PACS2: variants seen among roughly 807,000 people sequenced by gnomAD.
PACS2 encodes the protein PACS1-like protein.
PACS2 carries 36 observed loss-of-function variants against 113.0 expected under a neutral mutation model. The observed-to-expected ratio is 0.32, with a 90% CI of 0.24 to 0.42. PACS2 has a LOEUF of 0.42. Ranked by LOEUF, PACS2 falls within the 10% of genes least tolerant of loss-of-function variation. The probability of loss-of-function intolerance (pLI) is 1.00; values close to 1 mark genes in which losing one functional copy is unlikely to be tolerated. For missense variants in PACS2, 1,015 were observed against 1,239.5 expected (o/e 0.82, Z 2.72); for synonymous variants, 589 against 536.1 (o/e 1.10, Z -1.36).
In PACS2 at chr14:105,350,990, C is replaced by T. The variant is rs192368861; in HGVS notation, c.208-1388C>T. ...TCCGCCATGGACGTCTCATGGAGCC[C>T]GAGTACGGCCATGCGGGCCGCCCGC... is the stretch of plus-strand genomic sequence containing the variant. On this transcript the variant is annotated intron_variant, in intron 2 of 24. Coordinates refer to ENST00000447393, the MANE Select transcript of PACS2 (RefSeq NM_001100913.3). 2.0e-4 allele frequency among the ~76,000 whole-genome samples: 30 copies of T among 152,338 alleles called. No homozygotes were observed. The East Asian group carries it at 3.3e-3, about 17-fold the overall frequency.
At position 105,379,828 on chromosome 14, in the gene PACS2, C is replaced by T. The variant is rs782179266; in HGVS notation, c.1049C>T (p.Pro350Leu). 64 of 1,612,952 alleles carry T rather than the reference C, an allele frequency of 4.0e-5. 1 individual carries two copies. Among genetic ancestry groups the T allele is most frequent in the South Asian group, 1.6e-4 (15 of 91,072 alleles). Reference sequence around the variant, plus strand: ...CGCAGCCACAAGGAGCCCCCAAGCCCGGTGAGTGGGGCCACACTGATCTCC... The same window carrying T: ...CGCAGCCACAAGGAGCCCCCAAGCCTGGTGAGTGGGGCCACACTGATCTCC... Reference protein sequence around the residue: ...SARSHKEPPSPADVPEKTRSL... With the variant: ...SARSHKEPPSLADVPEKTRSL... The change falls in exon 10 of 25, where the codon CCG becomes CTG. Residue 350 changes from proline (P) to leucine (L), a missense_variant and splice_region_variant. By Grantham distance (98) the Pro-to-Leu change is moderately conservative (BLOSUM62 -3). Around this residue, in one of 3 missense-constraint regions of PACS2, gnomAD observed 859 missense variants for 1,056.8 expected, o/e 0.81. Transcript: ENST00000447393.
chr14:105,336,018 A>G (rs1039696542), intron 1 of PACS2, among the ~76,000 whole-genome samples: 16 of 152,182 alleles, frequency 1.1e-4, no homozygotes, highest in Admixed American at 9.8e-4. Context: ...AGCCTGTGAC[A>G]TTCCTCTGCC....
Position 105,348,742 on chromosome 14 carries a change from C to T in PACS2, c.207+162C>T. 2 of 643,626 alleles carry T rather than the reference C, an allele frequency of 3.1e-6. No homozygotes were observed. Among genetic ancestry groups the T allele is most frequent in the Non-Finnish European group, 5.6e-6 (2 of 357,586 alleles). The allele number at this position is 643,626 out of a possible 1,614,324, so 39.9% of individuals were successfully genotyped here. ...GGGGGGCTGGGAATGACAGGATGCT[C>T]CTGGGTCCAGTCCTGTCCCGCACAA... On this transcript the variant is annotated intron_variant, in intron 2 of 24. Transcript: ENST00000447393. This position sits in a 1 kb window ranked among gnomAD's most constrained non-coding sequence, Gnocchi z 6.4.
rs1555405727 is a variant in PACS2, at chr14:105,358,434, G to A, written c.423+3257G>A. The stretch of plus-strand genomic sequence containing the variant: ...AGGCAGGTGTGCGGTGGGGGCAGAC[G>A]TGGGGCCTTCTCCTGTGGTGTGGCT... On this transcript the variant is annotated intron_variant, in intron 4 of 24. Transcript: ENST00000447393. This position sits in a 1 kb window ranked among gnomAD's most constrained non-coding sequence, Gnocchi z 4.9. Among the ~76,000 whole-genome samples, 2 of 152,216 alleles carry A rather than the reference G, an allele frequency of 1.3e-5. No individual in the cohort carries two copies. Among genetic ancestry groups the A allele is most frequent in the East Asian group, 1.9e-4 (1 of 5,198 alleles).
In PACS2 at chr14:105,391,260, C is replaced by G; in HGVS notation, c.2119+11C>G. 6.2e-7 allele frequency: 1 copy of G among 1,608,320 alleles called. No individual in the cohort carries two copies. Among genetic ancestry groups the G allele is most frequent in the South Asian group, 1.1e-5 (1 of 90,960 alleles). On this transcript the variant is annotated intron_variant, in intron 21 of 24. Coordinates refer to ENST00000447393, the MANE Select transcript of PACS2 (RefSeq NM_001100913.3). ...CCTCGGCCACATCAGGTAACCCCGT[C>G]CCACCCTGAGGCCTTGTGAGTGGCC...
At position 105,354,926 on chromosome 14, in the gene PACS2, C is replaced by T; in HGVS notation, c.298-126C>T. 1 of 878,084 alleles carries T rather than the reference C, an allele frequency of 1.1e-6. No individual in the cohort carries two copies. The highest frequency in any genetic ancestry group is 3.1e-4 in the Middle Eastern group (1 of 3,258). The allele number at this position is 878,084 out of a possible 1,614,324, so 54.4% of individuals were successfully genotyped here. On this transcript the variant is annotated intron_variant, in intron 3 of 24. Coordinates refer to ENST00000447393, the MANE Select transcript of PACS2 (RefSeq NM_001100913.3). The surrounding 1 kb of genome is among the most constrained non-coding windows in gnomAD (Gnocchi z 4.2). Reference sequence around the variant, plus strand: ...AACTTGGGGGCCCGTCTGTGGGTGCCCTTCCGATCTCATGGGCAGCAGGTT... The same window carrying T: ...AACTTGGGGGCCCGTCTGTGGGTGCTCTTCCGATCTCATGGGCAGCAGGTT...
At position 105,340,950 on chromosome 14, in the gene PACS2, C is replaced by T. The variant is rs587703911; in HGVS notation, c.120-7543C>T. Among the ~76,000 whole-genome samples, 144 of 152,348 alleles carry T rather than the reference C, an allele frequency of 9.5e-4. 1 individual carries two copies. Among genetic ancestry groups the T allele is most frequent in the South Asian group, 1.7e-3 (8 of 4,826 alleles). On this transcript the variant is annotated intron_variant, in intron 1 of 24. Coordinates refer to ENST00000447393, the MANE Select transcript of PACS2 (RefSeq NM_001100913.3). This position sits in a 1 kb window ranked among gnomAD's most constrained non-coding sequence, Gnocchi z 4.2. ...CTTGCCCCGTCTCTGGCCACGTAGC[C>T]GTCACCCAGCTAGCATGGGGAGGCT...
At position 105,382,559 on chromosome 14, in the gene PACS2, A is replaced by G; in HGVS notation, c.1496A>G (p.Asn499Ser). 2 of 1,609,666 alleles carry G rather than the reference A, an allele frequency of 1.2e-6. No individual in the cohort carries two copies. Among genetic ancestry groups the G allele is most frequent in the Non-Finnish European group, 1.7e-6 (2 of 1,176,112 alleles). ...CTTCCCGAAAACATCATCCTTGTCA[A>G]CACCTCGGACTGGCAGGGGCAGGTA... is the stretch of plus-strand genomic sequence containing the variant. ...DQLPENIILV[N>S]TSDWQGQFLS... The change falls in exon 14 of 25, where the codon AAC (asparagine) becomes AGC (serine). Residue 499 changes from asparagine (N) to serine (S), a missense_variant. Transcript: ENST00000447393.
At position 105,315,053 on chromosome 14, in the gene PACS2, C is replaced by A. The variant is rs1163103879; in HGVS notation, c.119+16C>A. ...GCGTGCCCAGGTACGCGCCGCCCGC[C>A]GCGCTTTGTTCCCGCCGGGCACCTG... On this transcript the variant is annotated intron_variant, in intron 1 of 24. Coordinates refer to ENST00000447393, the MANE Select transcript of PACS2 (RefSeq NM_001100913.3). The surrounding 1 kb of genome is among the most constrained non-coding windows in gnomAD (Gnocchi z 4.4). The A allele has an allele frequency of 1.7e-6, 2 of 1,164,118 alleles. No homozygotes were observed. The highest frequency in any genetic ancestry group is 1.7e-5 in the African/African-American group (1 of 60,568). 72.1% of individuals were successfully genotyped at this position (1,164,118 alleles called of 1,614,324 possible). A position where few individuals can be genotyped will look rare whatever the true frequency, so the allele number is the denominator to read the frequency against.
At chr14:105,391,512 T>TTCCCCCCCCCC in intron 21 of PACS2, 119 bp from the exon 22 acceptor site, 4 of 611,304 alleles carry the variant, frequency 6.5e-6, no homozygotes, top group Non-Finnish European at 5.8e-6. Context: ...CACTGGGGAC[T>TTCCCCCCCCCC]CCCACCCTGC....
rs1274995266 is a variant in PACS2, at chr14:105,395,063, C to T, written c.*391C>T. The T allele has an allele frequency of 1.1e-4, 25 of 225,352 alleles. No individual in the cohort carries two copies. The highest frequency in any genetic ancestry group is 8.2e-4 in the East Asian group (7 of 8,536). 14.0% of individuals were successfully genotyped at this position (225,352 alleles called of 1,614,324 possible). ...AAGGCGGAGCTCAGTGGCCACAGGC[C>T]GAGGGCCATGGGGCCGCTCAGTCCC... On this transcript the variant is annotated 3_prime_UTR_variant, in exon 25 of 25. Transcript: ENST00000447393.
Position 105,396,967 on chromosome 14 carries a change from T to C in PACS2, c.*2295T>C, listed in dbSNP as rs1555417021. The C allele has an allele frequency of 6.6e-6, 1 of 152,254 alleles. No individual in the cohort carries two copies. Among genetic ancestry groups the C allele is most frequent in the East Asian group, 1.9e-4 (1 of 5,190 alleles). The allele number at this position is 152,254 out of a possible 1,614,324, so 9.4% of individuals were successfully genotyped here. ...GCCCCTTTCCTGGAGCCCTCCTGCC[T>C]ACCCCGTACCTCCCATCTGGCTGCA... On this transcript the variant is annotated 3_prime_UTR_variant, in exon 25 of 25. Transcript: ENST00000447393.
intron 10 of PACS2, 93 bp downstream of exon 10, chr14:105,379,922 C>A: frequency 7.2e-7 from 1 of 1,396,308 alleles, no homozygotes; most frequent in Non-Finnish European, 1.0e-6. Flanking sequence ...GGGCCCAGGG[C>A]CCTGTCCAGC....
intron 2 of PACS2, among the ~76,000 whole-genome samples, chr14:105,352,126 C>T (rs1555404113): frequency 6.6e-6 from 1 of 152,186 alleles, no homozygotes; most frequent in African/African-American, 2.4e-5. Context: ...AGGAGCCGCT[C>T]CTGGTTTCTC....
chr14:105,394,055 AAGG>A (rs1342333757), intron 24 of PACS2, among the ~76,000 whole-genome samples: 13 of 149,906 alleles, frequency 8.7e-5, no homozygotes, highest in Non-Finnish European at 1.8e-4. Flanking sequence ...AAAAAAAAAA[AAGG>A]GGTTTTGGAG....
rs1555405191 is a variant in PACS2, at chr14:105,355,529, G to A, written c.423+352G>A. Among the ~76,000 whole-genome samples the A allele has an allele frequency of 1.3e-5, 2 of 152,234 alleles. No individual in the cohort carries two copies. The highest frequency in any genetic ancestry group is 4.8e-5 in the African/African-American group (2 of 41,462). On this transcript the variant is annotated intron_variant, in intron 4 of 24. Coordinates refer to ENST00000447393, the MANE Select transcript of PACS2 (RefSeq NM_001100913.3). The surrounding 1 kb of genome is among the most constrained non-coding windows in gnomAD (Gnocchi z 4.1). ...GCTGCTGTCCCCACACCACGGGTGCGTCCTGTGATGGGTTCGTGTCTGCAT... is the reference window on the plus strand; with the variant it reads ...GCTGCTGTCCCCACACCACGGGTGCATCCTGTGATGGGTTCGTGTCTGCAT...
intron 9 of PACS2, among the ~76,000 whole-genome samples, chr14:105,378,868 G>A (rs1047302347): frequency 1.4e-4 from 21 of 152,256 alleles, no homozygotes; most frequent in African/African-American, 5.1e-4. Context: ...GGTTTGTCTG[G>A]AAAGGCATGG....
chr14:105,368,675 C>T, intron 7 of PACS2, 136 bp downstream of exon 7: 2 of 683,940 alleles, frequency 2.9e-6, no homozygotes, highest in South Asian at 1.7e-5. Flanking sequence ...CCGTGGCAGA[C>T]CCCCTGATTG....
chr14:105,324,839 G>C lies in PACS2; in HGVS notation c.119+9802G>C, dbSNP rs1175918559. Among the ~76,000 whole-genome samples, 1 of 152,190 alleles carries C rather than the reference G, an allele frequency of 6.6e-6. No homozygotes were observed. Among genetic ancestry groups the C allele is most frequent in the Non-Finnish European group, 1.5e-5 (1 of 68,018 alleles). ...TAGCCCCAGGTCCTCTGCATGGTCA[G>C]GGGCCATGCTGGGTCCCCTGGGGTG... On this transcript the variant is annotated intron_variant, in intron 1 of 24. Transcript: ENST00000447393. The surrounding 1 kb of genome is among the most constrained non-coding windows in gnomAD (Gnocchi z 4.7).
Sources: allele counts gnomAD v4.1 joint callset (sites outside exome capture counted in the v4.1 genomes callset), GRCh38; gene constraint gnomAD v4.1.1; regional missense constraint gnomAD v4.1.1; non-coding constraint Gnocchi (gnomAD v3.1); transcripts MANE v1.5; gene names NCBI Gene and HGNC (gene_info 2026-07-23, HGNC 2026-07-21).